Variants in ARHGAP22 observed in about 807,000 individuals in gnomAD.
ARHGAP22 encodes the protein Rho GTPase activating protein 22.
In ARHGAP22, 48 loss-of-function variants were observed where a neutral mutation model predicts 59.1. The ratio of observed to expected loss-of-function variants is 0.81; its 90% CI spans 0.64 to 1.03. The LOEUF (loss-of-function observed/expected upper bound fraction) is 1.03, where lower values mean the gene tolerates loss of function less well. Among genes scored for constraint, ARHGAP22 ranks in the 50% least tolerant of loss-of-function variants. The probability of loss-of-function intolerance (pLI) is 0.00; values close to 1 mark genes in which losing one functional copy is unlikely to be tolerated. For missense variants in ARHGAP22, 1,015 were observed against 958.7 expected (o/e 1.06, Z -0.78); for synonymous variants, 445 against 416.4 (o/e 1.07, Z -0.84).
chr10:48,536,961 G>T (rs996040039), intron 3 of ARHGAP22, among the ~76,000 whole-genome samples: 1 of 151,890 alleles, frequency 6.6e-6, no homozygotes, highest in African/African-American at 2.4e-5. Context: ...GGCCAAAGAA[G>T]GGCACAATCT....
intron 3 of ARHGAP22, among the ~76,000 whole-genome samples, chr10:48,481,937 C>T (rs1194104406): frequency 1.3e-5 from 2 of 152,104 alleles, no homozygotes; most frequent in African/African-American, 4.8e-5. Flanking sequence ...AAATCTTTTG[C>T]CTATTTTTAA....
upstream of ARHGAP22, among the ~76,000 whole-genome samples, chr10:48,655,039 T>A (rs1284879581): frequency 1.4e-4 from 8 of 58,752 alleles, no homozygotes; most frequent in African/African-American, 4.6e-4. Flanking sequence ...TCATTCTTTC[T>A]TTCTTTCTTT....
At chr10:48,458,851 C>G (rs997705144) in intron 5 of ARHGAP22, among the ~76,000 whole-genome samples, 2 of 152,156 alleles carry the variant, frequency 1.3e-5, no homozygotes, top group Admixed American at 6.5e-5. Context: ...TCCTGGACTC[C>G]ACATCTAAGG....
intron 4 of ARHGAP22, among the ~76,000 whole-genome samples, chr10:48,465,366 G>C (rs116008732): frequency 0.01 from 1,542 of 152,350 alleles, 25 homozygotes; most frequent in African/African-American, 0.035. Context: ...TCCCACACCG[G>C]AGAGGAAGCC....
rs888381267 is a variant in ARHGAP22 at position 48,450,938 on chromosome 10, G to A, written c.1191C>T (p.Asp397=). 35 of 1,586,436 alleles carry A rather than the reference G, an allele frequency of 2.2e-5. No homozygotes were observed. The highest frequency in any genetic ancestry group is 3.0e-5 in the Non-Finnish European group (35 of 1,167,384). ...GLPAHRTSSL[D]GAAVAVLSRT... is the part of the protein sequence containing the mutation. Reference sequence around the variant, plus strand: ...TGGAGAGCACCGCCACGGCCGCCCCGTCCAGGGAAGAGGTCCTGTGCGCGG... The same window carrying A: ...TGGAGAGCACCGCCACGGCCGCCCCATCCAGGGAAGAGGTCCTGTGCGCGG... The change falls in exon 9 of 10, where the codon GAC becomes GAT. Residue 397 remains aspartate, a synonymous_variant. Transcript: ENST00000249601.
chr10:48,456,128 C>T (rs2046478535), intron 5 of ARHGAP22, among the ~76,000 whole-genome samples: 1 of 152,174 alleles, frequency 6.6e-6, no homozygotes, highest in Admixed American at 6.5e-5. Context: ...TATATGGGCC[C>T]CAGGTTGTTC....
chr10:48,604,508 G>A (rs2060566780), intron 1 of ARHGAP22, among the ~76,000 whole-genome samples: 1 of 152,254 alleles, frequency 6.6e-6, no homozygotes, highest in African/African-American at 2.4e-5. Flanking sequence ...AATGTGGAAT[G>A]TGGGGCGAAG....
chr10:48,641,747 C>A (rs986735127), intron 1 of ARHGAP22, among the ~76,000 whole-genome samples: 52 of 152,100 alleles, frequency 3.4e-4, no homozygotes, highest in African/African-American at 1.3e-3. Flanking sequence ...CTGGTCAGGG[C>A]AATCAGGCAG....
chr10:48,541,556 C>T (rs920921431), intron 3 of ARHGAP22, among the ~76,000 whole-genome samples: 3 of 152,310 alleles, frequency 2.0e-5, no homozygotes, highest in African/African-American at 4.8e-5. Flanking sequence ...GCAGCTAGCC[C>T]GCTGCAGGAC....
intron 5 of ARHGAP22, among the ~76,000 whole-genome samples, chr10:48,457,540 G>C (rs2046666695): frequency 6.6e-6 from 1 of 152,206 alleles, no homozygotes; most frequent in African/African-American, 2.4e-5. Context: ...AGGGAGTAAG[G>C]AGAGCCTGGC....
At chr10:48,636,886 A>G (rs989579178) in intron 1 of ARHGAP22, among the ~76,000 whole-genome samples, 1 of 152,218 alleles carries the variant, frequency 6.6e-6, no homozygotes, top group Non-Finnish European at 1.5e-5. Context: ...TAGAATCAGG[A>G]TATGAAAGTA....
Position 48,450,543 on chromosome 10 carries a change from C to T in ARHGAP22, c.1586G>A (p.Cys529Tyr), listed in dbSNP as rs1258623091. 7 of 1,520,152 alleles carry T rather than the reference C, an allele frequency of 4.6e-6. No individual in the cohort carries two copies. In the South Asian group the frequency reaches 8.8e-5, roughly 19 times the overall value. The allele number at this position is 1,520,152 out of a possible 1,614,324, so 94.2% of individuals were successfully genotyped here. A position where few individuals can be genotyped will look rare whatever the true frequency, so the allele number is the denominator to read the frequency against. Residue 529 changes from cysteine (C) to tyrosine (Y), a missense_variant, in exon 9 of 10, where the codon TGC becomes TAC. Transcript: ENST00000249601. ...ESSVGGSLSSCTACRASDSSA... is the reference protein window; with the variant it reads ...ESSVGGSLSSYTACRASDSSA... ...CGAGTCGCTGGCGCGGCAGGCCGTGCAGCTGCTGAGTGAGCCCCCCACCGA... is the reference window on the plus strand; with the variant it reads ...CGAGTCGCTGGCGCGGCAGGCCGTGTAGCTGCTGAGTGAGCCCCCCACCGA...
At chr10:48,499,248 A>C (rs566912823) in intron 3 of ARHGAP22, among the ~76,000 whole-genome samples, 38 of 152,330 alleles carry the variant, frequency 2.5e-4, no homozygotes, top group South Asian at 6.2e-4. Flanking sequence ...TGTTTCCTGC[A>C]GCTGGAAGCA....
intron 1 of ARHGAP22, among the ~76,000 whole-genome samples, chr10:48,598,423 G>T (rs1476508902): frequency 6.6e-6 from 1 of 152,154 alleles, no homozygotes; most frequent in Non-Finnish European, 1.5e-5. Context: ...TACAAACTCT[G>T]CAGGGCGGGG....
At chr10:48,526,827 A>G (rs959049057) in intron 3 of ARHGAP22, among the ~76,000 whole-genome samples, 1 of 152,240 alleles carries the variant, frequency 6.6e-6, no homozygotes, top group Non-Finnish European at 1.5e-5. Context: ...GACTTTTCAA[A>G]GCGGCTTTAA....
chr10:48,509,916 A>T (rs1456610335), intron 3 of ARHGAP22, among the ~76,000 whole-genome samples: 1 of 152,206 alleles, frequency 6.6e-6, no homozygotes, highest in African/African-American at 2.4e-5. Context: ...CACAGTCAAG[A>T]AGTACTAACA....
chr10:48,548,422 T>C (rs951939506), intron 3 of ARHGAP22, among the ~76,000 whole-genome samples: 1 of 152,158 alleles, frequency 6.6e-6, no homozygotes, highest in South Asian at 2.1e-4. Context: ...ACCCACTTGG[T>C]TCCCTTTGAT....
chr10:48,469,573 CT>C (rs1164378370), intron 4 of ARHGAP22, among the ~76,000 whole-genome samples: 18 of 152,202 alleles, frequency 1.2e-4, no homozygotes, highest in African/African-American at 4.3e-4. Context: ...CAACTCAGAT[CT>C]AGTGGGTAGA....
At chr10:48,628,083 C>T (rs1362428342) in intron 1 of ARHGAP22, among the ~76,000 whole-genome samples, 1 of 152,210 alleles carries the variant, frequency 6.6e-6, no homozygotes, top group Non-Finnish European at 1.5e-5. Context: ...TCCTTCTCTT[C>T]CTTGCAGTGG....
Sources: allele counts gnomAD v4.1 joint callset (sites outside exome capture counted in the v4.1 genomes callset), GRCh38; gene constraint gnomAD v4.1.1; transcripts MANE v1.5; gene names NCBI Gene and HGNC (gene_info 2026-07-23, HGNC 2026-07-21).